Variants in LRP1B observed in about 807,000 individuals in gnomAD.
The protein encoded by LRP1B is low-density lipoprotein receptor-related protein 1B.
Under a neutral mutation model 556.6 loss-of-function variants are expected in LRP1B, and 217 were observed. The observed-to-expected ratio is 0.39, with a 90% confidence interval of 0.35 to 0.44. The LOEUF (loss-of-function observed/expected upper bound fraction) is 0.44, where lower values mean the gene tolerates loss of function less well. LRP1B is among the 20% of genes least tolerant of loss of function. The probability of loss-of-function intolerance (pLI) is 1.00; values close to 1 mark genes in which losing one functional copy is unlikely to be tolerated. For missense variants in LRP1B, 5,053 were observed against 5,620.8 expected (o/e 0.90, Z 3.23); for synonymous variants, 2,047 against 1,865.8 (o/e 1.10, Z -2.50).
intron 1 of LRP1B, among the ~76,000 whole-genome samples, chr2:141,946,965 A>G (rs897295947): frequency 2.0e-5 from 3 of 152,222 alleles, no homozygotes; most frequent in African/African-American, 7.2e-5. Flanking sequence ...GCTAAGCAAC[A>G]TAATAGAGCT....
intron 1 of LRP1B, among the ~76,000 whole-genome samples, chr2:141,918,658 C>T (rs185722202): frequency 2.0e-5 from 3 of 152,136 alleles, no homozygotes; most frequent in East Asian, 1.9e-4. Flanking sequence ...AGTTTCTTTT[C>T]GTGAATTGGT....
rs1707779843 is a variant in LRP1B at position 142,129,624 on chromosome 2, CTCTCTCT to C, written c.82+1017_82+1023del. On this transcript the variant is annotated intron_variant, in intron 1 of 90. Coordinates refer to ENST00000389484, the MANE Select transcript of LRP1B (RefSeq NM_018557.3). ...TCTCTCTCTCTCTCTCTCTCTCTCT[CTCTCTCT>C]TATTTAAACTAAAAAGCTGAACTAT... Among the ~76,000 whole-genome samples, 4 of 106,920 alleles carry C rather than the reference CTCTCTCT, an allele frequency of 3.7e-5. No individual in the cohort carries two copies. In the Admixed American group the frequency reaches 4.0e-4, roughly 11 times the overall value. 70.1% of individuals were successfully genotyped at this position (106,920 alleles called of 152,430 possible).
intron 11 of LRP1B, among the ~76,000 whole-genome samples, chr2:141,026,517 A>T (rs1273464933): frequency 6.6e-6 from 1 of 152,076 alleles, no homozygotes; most frequent in Non-Finnish European, 1.5e-5. Flanking sequence ...TTACCATGGC[A>T]TAGAACAAAT....
At chr2:141,196,583 G>T (rs1436155936) in intron 6 of LRP1B, among the ~76,000 whole-genome samples, 1 of 151,704 alleles carries the variant, frequency 6.6e-6, no homozygotes, top group Non-Finnish European at 1.5e-5. Flanking sequence ...ACAAGTTTTG[G>T]GTTATTTTTA....
rs981428329 is a variant in LRP1B, at chr2:142,130,969, G to A, written c.-240C>T. The A allele has an allele frequency of 2.0e-4, 114 of 573,086 alleles. No individual in the cohort carries two copies. Among genetic ancestry groups the A allele is most frequent in the Non-Finnish European group, 2.9e-4 (94 of 318,696 alleles). The allele number at this position is 573,086 out of a possible 1,614,324, so 35.5% of individuals were successfully genotyped here. ...GAGAGGAGGCAGAGCGTGTGTGAGCGCGAGCGAGACGCCCGTGTGTCTTGA... is the reference window on the plus strand; with the variant it reads ...GAGAGGAGGCAGAGCGTGTGTGAGCACGAGCGAGACGCCCGTGTGTCTTGA... On this transcript the variant is annotated 5_prime_UTR_variant, in exon 1 of 91. Coordinates refer to ENST00000389484, the MANE Select transcript of LRP1B (RefSeq NM_018557.3).
intron 3 of LRP1B, among the ~76,000 whole-genome samples, chr2:141,448,487 T>C (rs534710136): frequency 4.0e-4 from 61 of 152,290 alleles, no homozygotes; most frequent in Non-Finnish European, 7.8e-4. Context: ...TGTAGCTAGC[T>C]TGGTGTCTGC....
chr2:140,812,575 C>T (rs1690966005), intron 32 of LRP1B, among the ~76,000 whole-genome samples: 1 of 151,002 alleles, frequency 6.6e-6, no homozygotes, highest in African/African-American at 2.4e-5. Context: ...CATGAAAATT[C>T]ATTACCAAAA....
intron 43 of LRP1B, among the ~76,000 whole-genome samples, chr2:140,580,935 A>C (rs941429062): frequency 3.9e-5 from 6 of 152,190 alleles, no homozygotes; most frequent in Non-Finnish European, 8.8e-5. Flanking sequence ...GAGAAATAAA[A>C]TATTGTGAAG....
At chr2:140,799,574 A>G (rs192322128) in intron 32 of LRP1B, among the ~76,000 whole-genome samples, 25 of 152,334 alleles carry the variant, frequency 1.6e-4, no homozygotes, top group African/African-American at 4.8e-4. Flanking sequence ...CAGATATTCT[A>G]TGATTCATTT....
rs775737485 is a variant in LRP1B, at chr2:140,450,567, C to T, written c.10057+1G>A. 3.7e-6 allele frequency: 6 copies of T among 1,602,964 alleles called. No homozygotes were observed. The highest frequency in any genetic ancestry group is 1.7e-4 in the Middle Eastern group (1 of 6,034). ...ATTTCAATATTTGCCAGTATACTCACGACAGTCATCAGGTTCATCAGATCC... is the reference window on the plus strand; with the variant it reads ...ATTTCAATATTTGCCAGTATACTCATGACAGTCATCAGGTTCATCAGATCC... On this transcript the variant is annotated splice_donor_variant, in intron 63 of 90. Coordinates refer to ENST00000389484, the MANE Select transcript of LRP1B (RefSeq NM_018557.3). LOFTEE classifies it high-confidence loss of function.
chr2:140,456,366 G>A (rs2105321420), intron 62 of LRP1B, 89 bp downstream of exon 62: 1 of 1,287,492 alleles, frequency 7.8e-7, no homozygotes, highest in Non-Finnish European at 1.1e-6. Context: ...TCTCTACAAT[G>A]TATGGAATGA....
chr2:141,864,574 A>G (rs996453430), intron 1 of LRP1B, among the ~76,000 whole-genome samples: 1 of 151,880 alleles, frequency 6.6e-6, no homozygotes, highest in African/African-American at 2.4e-5. Flanking sequence ...AAAAAAAAAA[A>G]AAAAACTTAT....
chr2:140,541,696 C>A, intron 44 of LRP1B, 83 bp downstream of exon 44: 1 of 1,068,032 alleles, frequency 9.4e-7, no homozygotes. Flanking sequence ...GCAAATCCAA[C>A]TATTACTAGA....
intron 7 of LRP1B, among the ~76,000 whole-genome samples, chr2:141,169,865 T>C (rs961401107): frequency 6.6e-6 from 1 of 151,182 alleles, no homozygotes; most frequent in Non-Finnish European, 1.5e-5. Flanking sequence ...ATGTTATTGA[T>C]AGCTTATTCA....
At chr2:141,453,400 C>A (rs1681498685) in intron 3 of LRP1B, among the ~76,000 whole-genome samples, 1 of 152,096 alleles carries the variant, frequency 6.6e-6, no homozygotes, top group Non-Finnish European at 1.5e-5. Flanking sequence ...ATTCCAATTT[C>A]CACTTCTCAA....
intron 41 of LRP1B, among the ~76,000 whole-genome samples, chr2:140,678,976 C>A (rs1421731118): frequency 6.6e-6 from 1 of 152,094 alleles, no homozygotes; most frequent in African/African-American, 2.4e-5. Flanking sequence ...AGGGTTTCAC[C>A]ATGGTGGCCA....
chr2:141,837,703 A>G (rs557490682), intron 1 of LRP1B, among the ~76,000 whole-genome samples: 1 of 152,254 alleles, frequency 6.6e-6, no homozygotes, highest in East Asian at 1.9e-4. Context: ...AGTACATAGT[A>G]AAGGAAATCT....
intron 2 of LRP1B, among the ~76,000 whole-genome samples, chr2:141,503,287 T>C (rs1300199964): frequency 6.7e-6 from 1 of 148,226 alleles, no homozygotes; most frequent in African/African-American, 2.5e-5. Context: ...AATATACAAT[T>C]ATTTTTATAT....
chr2:142,079,453 C>CA, intron 1 of LRP1B, among the ~76,000 whole-genome samples: 1 of 152,154 alleles, frequency 6.6e-6, no homozygotes, highest in South Asian at 2.1e-4. Context: ...ACCAAGTATT[C>CA]AAAATGTGAT....
Sources: allele counts gnomAD v4.1 joint callset (sites outside exome capture counted in the v4.1 genomes callset), GRCh38; gene constraint gnomAD v4.1.1; transcripts MANE v1.5; gene names NCBI Gene and HGNC (gene_info 2026-07-23, HGNC 2026-07-21).